SYT16: variants seen among roughly 807,000 people sequenced by gnomAD.
The protein encoded by SYT16 is synaptotagmin 16, also known as synaptotagmin-16.
SYT16 carries 42 observed loss-of-function variants against 61.4 expected under a neutral mutation model. That is an observed-to-expected ratio of 0.68 (90% CI 0.53 to 0.89). SYT16 has a LOEUF of 0.89. SYT16 is among the 40% of genes least tolerant of loss of function. The probability of loss-of-function intolerance (pLI) is 0.00; values close to 1 mark genes in which losing one functional copy is unlikely to be tolerated. For missense variants in SYT16, 804 were observed against 807.3 expected (o/e 1.00, Z 0.05); for synonymous variants, 314 against 302.3 (o/e 1.04, Z -0.40).
chr14:62,032,386 G>C (rs895543227), intron 3 of SYT16, among the ~76,000 whole-genome samples: 1 of 151,994 alleles, frequency 6.6e-6, no homozygotes, highest in South Asian at 2.1e-4. Context: ...CATCCTAAAA[G>C]TCTGTTAGTC....
At chr14:61,841,525 A>C (rs545745032) in intron 1 of SYT16, among the ~76,000 whole-genome samples, 1 of 152,282 alleles carries the variant, frequency 6.6e-6, no homozygotes, top group Admixed American at 6.5e-5. Flanking sequence ...TTTAATTTTA[A>C]TTATTTTATT....
chr14:62,020,190 GGAAA>G (rs1038933015), intron 3 of SYT16, among the ~76,000 whole-genome samples: 1 of 151,988 alleles, frequency 6.6e-6, no homozygotes, highest in African/African-American at 2.4e-5. Context: ...TCAGTGGGAT[GGAAA>G]GAAATTCAGT....
At chr14:62,096,027 ATCCT>A (rs2057262626) in intron 7 of SYT16, among the ~76,000 whole-genome samples, 1 of 151,986 alleles carries the variant, frequency 6.6e-6, no homozygotes, top group East Asian at 1.9e-4. Flanking sequence ...TTAATGAATA[ATCCT>A]TCCCATATAC....
chr14:61,977,544 C>T (rs1336259023), intron 2 of SYT16, among the ~76,000 whole-genome samples: 1 of 152,178 alleles, frequency 6.6e-6, no homozygotes, highest in Admixed American at 6.5e-5. Context: ...ATGATACTCA[C>T]TCACTATCAT....
rs552649926 is a variant in SYT16, at chr14:62,003,666, C to T, written c.523+7124C>T. On this transcript the variant is annotated intron_variant, in intron 3 of 7. Coordinates refer to ENST00000683842, the MANE Select transcript of SYT16 (RefSeq NM_001367656.1). Reference sequence around the variant, plus strand: ...GAACATAGAGTTTATATGCTTAACACTACACTGTGAAATTGAATTGGACAT... The same window carrying T: ...GAACATAGAGTTTATATGCTTAACATTACACTGTGAAATTGAATTGGACAT... 3.5e-4 allele frequency among the ~76,000 whole-genome samples: 54 copies of T among 152,182 alleles called. 1 individual carries two copies. Among genetic ancestry groups the T allele is most frequent in the African/African-American group, 1.1e-3 (47 of 41,536 alleles).
intron 3 of SYT16, among the ~76,000 whole-genome samples, chr14:62,029,836 CT>C (rs1194923213): frequency 6.6e-6 from 1 of 151,694 alleles, no homozygotes; most frequent in African/African-American, 2.4e-5. Flanking sequence ...AGGCCATTGC[CT>C]TTCTCTGTGT....
intron 3 of SYT16, among the ~76,000 whole-genome samples, chr14:62,037,860 G>A (rs1392792286): frequency 1.3e-5 from 2 of 152,094 alleles, no homozygotes; most frequent in Non-Finnish European, 1.5e-5. Context: ...GCCCCCCAGA[G>A]CCTTCTAGTG....
chr14:61,848,143 A>C (rs2046499352), intron 1 of SYT16, among the ~76,000 whole-genome samples: 1 of 152,090 alleles, frequency 6.6e-6, no homozygotes, highest in Non-Finnish European at 1.5e-5. Flanking sequence ...GACATTGAAG[A>C]ATTAGGTATT....
Position 61,875,639 on chromosome 14 carries a change from A to G in SYT16, c.-325+62829A>G, listed in dbSNP as rs191993118. On this transcript the variant is annotated intron_variant, in intron 1 of 7. Transcript: ENST00000683842. ...AGAGCCAGATTGTAGCTATGAAGCCAGGGACAGAGTCCAAGTCAGCCTGTA... is the reference window on the plus strand; with the variant it reads ...AGAGCCAGATTGTAGCTATGAAGCCGGGGACAGAGTCCAAGTCAGCCTGTA... Among the ~76,000 whole-genome samples, 141 of 152,344 alleles carry G rather than the reference A, an allele frequency of 9.3e-4. 2 individuals are homozygous for G. Among genetic ancestry groups the G allele is most frequent in the Admixed American group, 3.5e-3 (53 of 15,308 alleles).
intron 3 of SYT16, among the ~76,000 whole-genome samples, chr14:62,018,304 T>C (rs71422932): frequency 0.013 from 527 of 41,958 alleles, 3 homozygotes; most frequent in African/African-American, 0.036. Flanking sequence ...TCTTCTTTTT[T>C]TTTTTTTTTT....
chr14:62,094,894 T>A (rs1217215644), intron 7 of SYT16, among the ~76,000 whole-genome samples: 1 of 151,928 alleles, frequency 6.6e-6, no homozygotes, highest in Admixed American at 6.6e-5. Flanking sequence ...ATTTTTCCAT[T>A]CTCATCTAAT....
intron 1 of SYT16, among the ~76,000 whole-genome samples, chr14:61,969,794 A>C (rs1286468774): frequency 6.6e-6 from 1 of 152,192 alleles, no homozygotes; most frequent in African/African-American, 2.4e-5. Context: ...AACCCATTTG[A>C]TTGAACTCTG....
rs186826848 is a variant in SYT16, at chr14:62,051,133, C to T, written c.524-18470C>T. On this transcript the variant is annotated intron_variant, in intron 3 of 7. Coordinates refer to ENST00000683842, the MANE Select transcript of SYT16 (RefSeq NM_001367656.1). ...GTGGGCTCCACCCAGTTCGAGCTTC[C>T]CGGCTGCTTTGTTTACCTACTCAAG... Among the ~76,000 whole-genome samples, 25 of 152,374 alleles carry T rather than the reference C, an allele frequency of 1.6e-4. No homozygotes were observed. In the East Asian group the frequency reaches 4.4e-3, roughly 27 times the overall value.
chr14:61,860,954 A>G (rs550636507), intron 1 of SYT16, among the ~76,000 whole-genome samples: 1 of 152,210 alleles, frequency 6.6e-6, no homozygotes, highest in Non-Finnish European at 1.5e-5. Flanking sequence ...AAGCTGGGGG[A>G]AGAAGAAAGC....
intron 1 of SYT16, among the ~76,000 whole-genome samples, chr14:61,885,550 T>C (rs149963973): frequency 6.6e-6 from 1 of 152,258 alleles, no homozygotes; most frequent in African/African-American, 2.4e-5. Context: ...TAAGTGGTCA[T>C]TGGGGGTTTG....
intron 5 of SYT16, chr14:62,079,577 G>T (rs2056633263): frequency 6.1e-6 from 1 of 163,460 alleles, no homozygotes; most frequent in Admixed American, 6.3e-5. Flanking sequence ...AGACTATGTG[G>T]GAAAGTTTCA....
At chr14:61,843,112 C>T (rs564240285) in intron 1 of SYT16, among the ~76,000 whole-genome samples, 1 of 152,000 alleles carries the variant, frequency 6.6e-6, no homozygotes, top group East Asian at 1.9e-4. Context: ...AGTGGGATTG[C>T]TAGATCATAT....
intron 1 of SYT16, among the ~76,000 whole-genome samples, chr14:61,943,554 C>T (rs1194360151): frequency 1.3e-5 from 2 of 152,168 alleles, no homozygotes; most frequent in African/African-American, 4.8e-5. Flanking sequence ...CGGCTTCATC[C>T]CTGGGATGCA....
chr14:61,901,028 C>G (rs2048495437), intron 1 of SYT16, among the ~76,000 whole-genome samples: 1 of 152,174 alleles, frequency 6.6e-6, no homozygotes, highest in South Asian at 2.1e-4. Flanking sequence ...TGGAAGGGTT[C>G]TGTGATCCTG....
Sources: allele counts gnomAD v4.1 joint callset (sites outside exome capture counted in the v4.1 genomes callset), GRCh38; gene constraint gnomAD v4.1.1; transcripts MANE v1.5; gene names NCBI Gene and HGNC (gene_info 2026-07-23, HGNC 2026-07-21).